KCNIP4: variants seen among roughly 807,000 people sequenced by gnomAD.
KCNIP4 encodes potassium voltage-gated channel interacting protein 4, also known as Kv channel-interacting protein 4.
In KCNIP4, 12 loss-of-function variants were observed where a neutral mutation model predicts 34.0. The ratio of observed to expected loss-of-function variants is 0.35; its 90% CI spans 0.23 to 0.57. KCNIP4 has a LOEUF of 0.57. Among genes scored for constraint, KCNIP4 ranks in the 20% least tolerant of loss-of-function variants. KCNIP4 has a pLI of 0.83. For missense variants in KCNIP4, 238 were observed against 311.7 expected, an observed-to-expected ratio of 0.76 and a Z score of 1.78; for synonymous variants, 124 against 102.2, an observed-to-expected ratio of 1.21 and a Z score of -1.29.
intron 3 of KCNIP4, among the ~76,000 whole-genome samples, chr4:20,759,269 A>G (rs554734683): frequency 1.3e-5 from 2 of 152,300 alleles, no homozygotes; most frequent in South Asian, 2.1e-4. Flanking sequence ...TGTCCTTTCA[A>G]GGTTTTCTGA....
chr4:21,768,132 T>C (rs1371482120), intron 1 of KCNIP4, among the ~76,000 whole-genome samples: 1 of 152,102 alleles, frequency 6.6e-6, no homozygotes, highest in Non-Finnish European at 1.5e-5. Context: ...AAATTTATGA[T>C]TTGTGATTAA....
rs1420000164 is a variant in KCNIP4 at position 21,866,857 on chromosome 4, C to T, written c.61+81714G>A. Among the ~76,000 whole-genome samples, 5 of 148,014 alleles carry T rather than the reference C, an allele frequency of 3.4e-5. No homozygotes were observed. The East Asian group carries it at 6.1e-4, about 18-fold the overall frequency. On this transcript the variant is annotated intron_variant, in intron 1 of 8. Transcript: ENST00000382152. Reference sequence around the variant, plus strand: ...CTATCTCTCAGCTCACTGCAAGCTCCGCCTCCCAGGTTCACGCCATTCTCC... The same window carrying T: ...CTATCTCTCAGCTCACTGCAAGCTCTGCCTCCCAGGTTCACGCCATTCTCC...
At chr4:20,894,940 A>C (rs906218517) in intron 1 of KCNIP4, among the ~76,000 whole-genome samples, 2 of 152,228 alleles carry the variant, frequency 1.3e-5, no homozygotes, top group African/African-American at 4.8e-5. Context: ...TACAAGCATC[A>C]TATTATTTAA....
rs188890514 is a variant in KCNIP4, at chr4:21,921,748, T to G, written c.61+26823A>C. Among the ~76,000 whole-genome samples the G allele has an allele frequency of 3.5e-4, 53 of 152,332 alleles. No homozygotes were observed. The East Asian group carries it at 5.8e-3, about 17-fold the overall frequency. ...TAATTCCATTGACATTCCAATCTAATGTAGTCACCAACACCTCCTGCCTGG... is the reference window on the plus strand; with the variant it reads ...TAATTCCATTGACATTCCAATCTAAGGTAGTCACCAACACCTCCTGCCTGG... On this transcript the variant is annotated intron_variant, in intron 1 of 8. Transcript: ENST00000382152.
chr4:21,937,735 C>A (rs1431628226), intron 1 of KCNIP4, among the ~76,000 whole-genome samples: 1 of 152,218 alleles, frequency 6.6e-6, no homozygotes, highest in Admixed American at 6.5e-5. Flanking sequence ...TGGCCAGAAA[C>A]TGAGAGTTGC....
At chr4:20,950,579 T>C (rs76137408) in intron 1 of KCNIP4, among the ~76,000 whole-genome samples, 1,601 of 152,200 alleles carry the variant, frequency 0.011, 31 homozygotes, top group African/African-American at 0.037. Context: ...TAACTCCAAG[T>C]TGATGCAATC....
chr4:21,328,033 C>G (rs994213593), intron 1 of KCNIP4, among the ~76,000 whole-genome samples: 3 of 152,108 alleles, frequency 2.0e-5, no homozygotes, highest in African/African-American at 7.2e-5. Context: ...ACACATAACT[C>G]TCTCTTTCCA....
intron 1 of KCNIP4, among the ~76,000 whole-genome samples, chr4:21,655,626 T>G (rs1007841987): frequency 5.9e-5 from 9 of 152,178 alleles, no homozygotes; most frequent in Admixed American, 3.3e-4. Flanking sequence ...GGTAGAATAT[T>G]TTCCAAAACA....
chr4:21,601,052 G>T (rs1743093758), intron 1 of KCNIP4, among the ~76,000 whole-genome samples: 1 of 151,396 alleles, frequency 6.6e-6, no homozygotes, highest in Non-Finnish European at 1.5e-5. Context: ...TGTCATCCTA[G>T]ATCCCTTTAT....
intron 1 of KCNIP4, among the ~76,000 whole-genome samples, chr4:21,180,424 T>A (rs1267501552): frequency 1.3e-5 from 2 of 152,020 alleles, no homozygotes. Context: ...TATTAAAGAA[T>A]TTTTTTATGG....
chr4:21,450,238 A>G (rs1728400959), intron 1 of KCNIP4, among the ~76,000 whole-genome samples: 1 of 152,164 alleles, frequency 6.6e-6, no homozygotes, highest in Admixed American at 6.6e-5. Context: ...ATGTAAATCT[A>G]TAGAGTTCTC....
At chr4:21,610,040 G>T (rs1226208097) in intron 1 of KCNIP4, among the ~76,000 whole-genome samples, 1 of 152,192 alleles carries the variant, frequency 6.6e-6, no homozygotes, top group African/African-American at 2.4e-5. Context: ...TACTTCTCCT[G>T]CTACCTTAGG....
rs184530221 is a variant in KCNIP4, at chr4:20,833,141, G to A, written c.288+17402C>T. Among the ~76,000 whole-genome samples, 23 of 152,352 alleles carry A rather than the reference G, an allele frequency of 1.5e-4. No individual in the cohort carries two copies. The East Asian group carries it at 4.2e-3, about 28-fold the overall frequency. On this transcript the variant is annotated intron_variant, in intron 3 of 8. Transcript: ENST00000382152. ...TATTTCTCTTCATGTGGCTTTGGCAGTGATATGACCTATTACATGTGAAGG... is the reference window on the plus strand; with the variant it reads ...TATTTCTCTTCATGTGGCTTTGGCAATGATATGACCTATTACATGTGAAGG...
intron 1 of KCNIP4, among the ~76,000 whole-genome samples, chr4:21,360,944 T>A (rs1186670363): frequency 1.3e-5 from 2 of 152,140 alleles, no homozygotes; most frequent in Non-Finnish European, 2.9e-5. Flanking sequence ...TTGCTTTAAA[T>A]CAGCATCCGC....
At chr4:21,446,355 C>G (rs1727986602) in intron 1 of KCNIP4, among the ~76,000 whole-genome samples, 1 of 151,932 alleles carries the variant, frequency 6.6e-6, no homozygotes, top group African/African-American at 2.4e-5. Context: ...TTCACAATAG[C>G]AAAGACTTGG....
At chr4:21,892,703 T>C (rs568635102) in intron 1 of KCNIP4, among the ~76,000 whole-genome samples, 42 of 152,222 alleles carry the variant, frequency 2.8e-4, no homozygotes, top group African/African-American at 9.1e-4. Context: ...CCGATTAAAA[T>C]AGATTACAAA....
intron 1 of KCNIP4, among the ~76,000 whole-genome samples, chr4:21,103,998 G>A (rs1748231979): frequency 6.6e-6 from 1 of 151,784 alleles, no homozygotes; most frequent in Non-Finnish European, 1.5e-5. Context: ...TGGACATTTG[G>A]GTTGGTTCCA....
At chr4:21,396,386 T>C (rs551212504) in intron 1 of KCNIP4, among the ~76,000 whole-genome samples, 2 of 151,430 alleles carry the variant, frequency 1.3e-5, no homozygotes, top group East Asian at 3.9e-4. Context: ...TGAAACTCTG[T>C]CTCTACTAAA....
chr4:21,825,395 T>A (rs1310370409), intron 1 of KCNIP4, among the ~76,000 whole-genome samples: 2 of 152,150 alleles, frequency 1.3e-5, no homozygotes. Context: ...TCCTCACACA[T>A]CATTTTTATT....
Sources: allele counts gnomAD v4.1 joint callset (sites outside exome capture counted in the v4.1 genomes callset), GRCh38; gene constraint gnomAD v4.1.1; transcripts MANE v1.5; gene names NCBI Gene and HGNC (gene_info 2026-07-23, HGNC 2026-07-21).